The following XRCC4 variants were observed in gnomAD, a reference collection of about 807,000 sequenced individuals.
The protein encoded by XRCC4 is X-ray repair cross complementing 4, also known as DNA repair protein XRCC4.
Under a neutral mutation model 39.1 loss-of-function variants are expected in XRCC4, and 28 were observed. The observed-to-expected ratio is 0.72, with a 90% CI of 0.53 to 0.98. XRCC4 has a LOEUF of 0.98. XRCC4 is among the 50% of genes least tolerant of loss of function. XRCC4 has a pLI of 0.00. For missense variants in XRCC4, 350 were observed against 376.4 expected (o/e 0.93, Z 0.58); for synonymous variants, 123 against 126.4 (o/e 0.97, Z 0.18).
intron 6 of XRCC4, among the ~76,000 whole-genome samples, chr5:83,241,304 T>C (rs1169000343): frequency 2.6e-5 from 4 of 151,930 alleles, no homozygotes; most frequent in Non-Finnish European, 5.9e-5. Flanking sequence ...AGATTTTAGT[T>C]GTAAGATTTT....
intron 6 of XRCC4, among the ~76,000 whole-genome samples, chr5:83,241,224 C>T (rs1028390931): frequency 9.8e-6 from 1 of 102,158 alleles, no homozygotes; most frequent in African/African-American, 4.0e-5. Flanking sequence ...GCCAGGGCAA[C>T]AAAGTAAGAC....
intron 6 of XRCC4, among the ~76,000 whole-genome samples, chr5:83,209,398 G>T (rs11949386): frequency 1.3e-5 from 2 of 152,018 alleles, no homozygotes; most frequent in East Asian, 1.9e-4. Context: ...GAACAGTTTC[G>T]CATTGTGCAG....
intron 3 of XRCC4, among the ~76,000 whole-genome samples, chr5:83,171,063 C>T (rs1382245622): frequency 6.6e-6 from 1 of 152,102 alleles, no homozygotes; most frequent in Non-Finnish European, 1.5e-5. Flanking sequence ...TCCTTAAATT[C>T]ACTCTAATAG....
At chr5:83,315,377 A>T in intron 7 of XRCC4, among the ~76,000 whole-genome samples, 2 of 152,168 alleles carry the variant, frequency 1.3e-5, no homozygotes, top group Non-Finnish European at 2.9e-5. Flanking sequence ...GAAAAACTAC[A>T]GCCAGTTATC....
intron 3 of XRCC4, among the ~76,000 whole-genome samples, chr5:83,158,865 A>T (rs1313687737): frequency 6.6e-6 from 1 of 152,146 alleles, no homozygotes; most frequent in Non-Finnish European, 1.5e-5. Context: ...TCTAATTGGC[A>T]TAGTTATATT....
At chr5:83,334,251 A>G (rs1466264067) in intron 7 of XRCC4, among the ~76,000 whole-genome samples, 1 of 152,090 alleles carries the variant, frequency 6.6e-6, no homozygotes, top group East Asian at 1.9e-4. Context: ...CATATATGCT[A>G]CTCTCTTGGT....
chr5:83,353,244 A>G lies in XRCC4; in HGVS notation c.*2A>G. On this transcript the variant is annotated 3_prime_UTR_variant, in exon 8 of 8. Coordinates refer to ENST00000396027, the MANE Select transcript of XRCC4 (RefSeq NM_003401.5). ...GAAGACCTCTTTGATGAGATTTAAC[A>G]GTCTCAAAAAATACTTTGATGTTCA... 6.3e-7 allele frequency: 1 copy of G among 1,582,936 alleles called. No individual in the cohort carries two copies. Among genetic ancestry groups the G allele is most frequent in the Non-Finnish European group, 8.6e-7 (1 of 1,164,652 alleles).
intron 3 of XRCC4, among the ~76,000 whole-genome samples, chr5:83,170,064 T>C (rs1011523426): frequency 4.6e-5 from 7 of 152,186 alleles, no homozygotes; most frequent in Non-Finnish European, 7.4e-5. Flanking sequence ...CTTGAAGATA[T>C]ACTTGGTTAT....
At chr5:83,141,552 T>C (rs539828019) in intron 3 of XRCC4, among the ~76,000 whole-genome samples, 2 of 152,290 alleles carry the variant, frequency 1.3e-5, no homozygotes, top group African/African-American at 4.8e-5. Flanking sequence ...ATTTTTCCAA[T>C]TGCGAGTGAA....
chr5:83,135,538 G>GT (rs1348219762), intron 3 of XRCC4, among the ~76,000 whole-genome samples: 1 of 151,372 alleles, frequency 6.6e-6, no homozygotes, highest in Non-Finnish European at 1.5e-5. Context: ...TTCTTTTCTC[G>GT]TTTTTTGGGG....
chr5:83,129,623 C>A (rs1747460174), intron 3 of XRCC4, among the ~76,000 whole-genome samples: 1 of 152,022 alleles, frequency 6.6e-6, no homozygotes, highest in African/African-American at 2.4e-5. Flanking sequence ...GAATGTTCTT[C>A]CATTTGTTTG....
chr5:83,251,523 CA>C (rs60359773), intron 6 of XRCC4, among the ~76,000 whole-genome samples: 3,183 of 69,592 alleles, frequency 0.046, 42 homozygotes, highest in African/African-American at 0.11. Context: ...GACTCCGTCT[CA>C]AAAAAAAAAA....
At chr5:83,138,835 G>A (rs1198953842) in intron 3 of XRCC4, among the ~76,000 whole-genome samples, 2 of 152,038 alleles carry the variant, frequency 1.3e-5, no homozygotes, top group Admixed American at 1.3e-4. Flanking sequence ...AATGATGGTG[G>A]ATTATAGTGA....
intron 3 of XRCC4, among the ~76,000 whole-genome samples, chr5:83,185,660 A>T (rs1043727311): frequency 1.3e-5 from 2 of 151,978 alleles, no homozygotes; most frequent in Non-Finnish European, 2.9e-5. Context: ...TATAATAATT[A>T]AAACAGCATG....
intron 7 of XRCC4, among the ~76,000 whole-genome samples, chr5:83,283,611 C>A (rs1754628269): frequency 6.6e-6 from 1 of 152,148 alleles, no homozygotes; most frequent in Non-Finnish European, 1.5e-5. Flanking sequence ...ATTAAATGTG[C>A]ATGTTTAGTC....
At chr5:83,192,174 G>A (rs572796617) in intron 3 of XRCC4, among the ~76,000 whole-genome samples, 9 of 147,666 alleles carry the variant, frequency 6.1e-5, no homozygotes, top group South Asian at 2.1e-4. Flanking sequence ...ATATATACAC[G>A]TATACATACA....
intron 3 of XRCC4, among the ~76,000 whole-genome samples, chr5:83,166,630 ATTTTT>A (rs549500319): frequency 1.5e-5 from 2 of 135,162 alleles, no homozygotes; most frequent in Admixed American, 7.4e-5. Context: ...CGCCTAGCTA[ATTTTT>A]TTTTTTTTTT....
chr5:83,080,625 C>T (rs947751422), intron 1 of XRCC4, among the ~76,000 whole-genome samples: 5 of 152,092 alleles, frequency 3.3e-5, no homozygotes, highest in South Asian at 4.1e-4. Flanking sequence ...CCATTCAGCC[C>T]GGGGCCATGA....
At chr5:83,364,865 T>C in the XRCC4 span, among the ~76,000 whole-genome samples, 1 of 152,238 alleles carries the variant, frequency 6.6e-6, no homozygotes, top group Non-Finnish European at 1.5e-5. Context: ...ATGTACTCTT[T>C]CATTTTACAA....
Sources: allele counts gnomAD v4.1 joint callset (sites outside exome capture counted in the v4.1 genomes callset), GRCh38; gene constraint gnomAD v4.1.1; transcripts MANE v1.5; gene names NCBI Gene and HGNC (gene_info 2026-07-23, HGNC 2026-07-21).